Variants in SLIT1 observed in about 807,000 individuals in gnomAD.
SLIT1 encodes the protein slit guidance ligand 1, also known as slit homolog 1 protein.
In SLIT1, 66 loss-of-function variants were observed where a neutral mutation model predicts 186.1. The ratio of observed to expected loss-of-function variants is 0.35; its 90% CI spans 0.29 to 0.44. SLIT1 has a LOEUF of 0.44. SLIT1 is among the 20% of genes least tolerant of loss of function. SLIT1 has a pLI of 1.00. For synonymous variants in SLIT1, 761 were observed against 833.8 expected, an observed-to-expected ratio of 0.91 and a Z score of 1.50; for missense variants, 1,638 against 2,037.4, an observed-to-expected ratio of 0.80 and a Z score of 3.77.
chr10:97,014,709 T>C (rs1283342807), intron 28 of SLIT1, among the ~76,000 whole-genome samples: 1 of 151,956 alleles, frequency 6.6e-6, no homozygotes, highest in African/African-American at 2.4e-5. Context: ...TCTATTAAAA[T>C]ACAAAAATTA....
intron 4 of SLIT1, among the ~76,000 whole-genome samples, chr10:97,081,481 A>C (rs1429892632): frequency 6.6e-6 from 1 of 152,048 alleles, no homozygotes; most frequent in African/African-American, 2.4e-5. Context: ...TACCAAAAAG[A>C]CCATGCCCCA....
intron 4 of SLIT1, among the ~76,000 whole-genome samples, chr10:97,109,722 G>A (rs1293106083): frequency 3.3e-5 from 5 of 152,198 alleles, no homozygotes; most frequent in Admixed American, 6.5e-5. Context: ...GGTCTGGCGT[G>A]TGTGCTCTCC....
intron 1 of SLIT1, among the ~76,000 whole-genome samples, chr10:97,174,321 G>A (rs1044918704): frequency 2.6e-5 from 4 of 152,242 alleles, no homozygotes; most frequent in Non-Finnish European, 4.4e-5. Context: ...GGCTGCCAGA[G>A]CAACCCTGCC....
chr10:97,086,363 A>T (rs1009719470), intron 4 of SLIT1, among the ~76,000 whole-genome samples: 1 of 152,152 alleles, frequency 6.6e-6, no homozygotes, highest in Non-Finnish European at 1.5e-5. Flanking sequence ...TGAGGTCAGG[A>T]CTTTTAGACC....
At chr10:97,163,268 G>A in intron 3 of SLIT1, 112 bp downstream of exon 3, 2 of 860,242 alleles carry the variant, frequency 2.3e-6, no homozygotes, top group South Asian at 3.0e-5. Flanking sequence ...AGGCAGGCTG[G>A]GCATGGGGTC....
At chr10:97,183,040 C>G (rs1263618508) in intron 1 of SLIT1, among the ~76,000 whole-genome samples, 2 of 152,124 alleles carry the variant, frequency 1.3e-5, no homozygotes, top group African/African-American at 4.8e-5. Context: ...TGTGCTGGGC[C>G]TGGAGCCCAG....
intron 4 of SLIT1, among the ~76,000 whole-genome samples, chr10:97,146,065 C>T (rs1364946957): frequency 6.6e-6 from 1 of 152,218 alleles, no homozygotes; most frequent in African/African-American, 2.4e-5. Context: ...GATTAATCAA[C>T]TGTGAGCCAG....
chr10:97,141,464 C>T (rs1236282433), intron 4 of SLIT1, among the ~76,000 whole-genome samples: 1 of 152,162 alleles, frequency 6.6e-6, no homozygotes, highest in East Asian at 1.9e-4. Context: ...CTCCTCCAAG[C>T]ATGTTCAGAG....
chr10:97,092,416 A>C (rs1487784553), intron 4 of SLIT1, among the ~76,000 whole-genome samples: 2 of 152,250 alleles, frequency 1.3e-5, no homozygotes, highest in African/African-American at 4.8e-5. Flanking sequence ...GAATATGAGA[A>C]CAATGTGATT....
rs1848514431 is a variant in SLIT1, at chr10:97,022,988, T to C, written c.2583-1575A>G. Among the ~76,000 whole-genome samples, 1 of 152,174 alleles carries C rather than the reference T, an allele frequency of 6.6e-6. No individual in the cohort carries two copies. The highest frequency in any genetic ancestry group is 1.5e-5 in the Non-Finnish European group (1 of 68,038). On this transcript the variant is annotated intron_variant, in intron 25 of 36. Transcript: ENST00000266058. The surrounding 1 kb of genome is among the most constrained non-coding windows in gnomAD (Gnocchi z 4.2). The stretch of plus-strand genomic sequence containing the variant: ...CCAGAGTGGATATCCCATGGCACAG[T>C]GGACAGCGTCCCTGTTGCTGGACAT...
chr10:97,152,056 C>T (rs867762608), intron 4 of SLIT1, among the ~76,000 whole-genome samples: 1 of 152,148 alleles, frequency 6.6e-6, no homozygotes, highest in African/African-American at 2.4e-5. Context: ...ATAAATGCCT[C>T]CAGGGCAGCA....
At position 97,001,229 on chromosome 10, in the gene SLIT1, G is replaced by T. The variant is rs1188307764; in HGVS notation, c.4488C>A (p.Gly1496=). Residue 1496 remains glycine, a synonymous_variant, in exon 37 of 37, where the codon GGC becomes GGA. Coordinates refer to ENST00000266058, the MANE Select transcript of SLIT1 (RefSeq NM_003061.3). ...GCTTCAGCCGAAGGCCCTGGCAGCA[G>T]CCCTGGCCTGGGCACGAGCCCCGGC... The part of the protein sequence containing the change: ...VECRGSCPGQ[G]CCQGLRLKRR... The T allele has an allele frequency of 1.2e-6, 2 of 1,613,196 alleles. No individual in the cohort carries two copies. The highest frequency in any genetic ancestry group is 1.7e-6 in the Non-Finnish European group (2 of 1,179,942).
intron 20 of SLIT1, 147 bp from the exon 21 acceptor site, chr10:97,040,267 T>C: frequency 1.3e-6 from 1 of 777,026 alleles, no homozygotes; most frequent in Non-Finnish European, 1.9e-6. Flanking sequence ...GCACTACACC[T>C]CCCCGCCAGC....
At chr10:97,156,315 C>T (rs777883583) in intron 4 of SLIT1, among the ~76,000 whole-genome samples, 4 of 152,186 alleles carry the variant, frequency 2.6e-5, no homozygotes, top group African/African-American at 4.8e-5. Context: ...CAGTGGTTCA[C>T]GCCTGTAATC....
rs994247618 is a variant in SLIT1, at chr10:97,050,149, G to A, written c.1302-1031C>T. Among the ~76,000 whole-genome samples the A allele has an allele frequency of 3.3e-5, 5 of 151,844 alleles. No homozygotes were observed. The South Asian group carries it at 8.3e-4, about 25-fold the overall frequency. ...GTCAACAAGAGCGAAACTCTGTCTCGAAAAGGAAAAAAAAAGAAGTACGGG... is the reference window on the plus strand; with the variant it reads ...GTCAACAAGAGCGAAACTCTGTCTCAAAAAGGAAAAAAAAAGAAGTACGGG... On this transcript the variant is annotated intron_variant, in intron 13 of 36. Coordinates refer to ENST00000266058, the MANE Select transcript of SLIT1 (RefSeq NM_003061.3).
chr10:97,173,335 C>A (rs1850215255), intron 1 of SLIT1, among the ~76,000 whole-genome samples: 1 of 152,140 alleles, frequency 6.6e-6, no homozygotes, highest in Non-Finnish European at 1.5e-5. Flanking sequence ...CTCACAACAT[C>A]TCTTGGAAGT....
At position 97,108,026 on chromosome 10, in the gene SLIT1, C is replaced by A. The variant is rs147684535; in HGVS notation, c.414-41940G>T. On this transcript the variant is annotated intron_variant, in intron 4 of 36. Coordinates refer to ENST00000266058, the MANE Select transcript of SLIT1 (RefSeq NM_003061.3). ...CTAAGAGACACACACACGTGCCCAGCTCTTCCCTGCCCCGGGGTGTCTGCC... is the reference window on the plus strand; with the variant it reads ...CTAAGAGACACACACACGTGCCCAGATCTTCCCTGCCCCGGGGTGTCTGCC... 1.5e-3 allele frequency among the ~76,000 whole-genome samples: 227 copies of A among 152,350 alleles called. 6 individuals carry two copies. In the East Asian group the frequency reaches 0.037, roughly 25 times the overall value.
intron 4 of SLIT1, among the ~76,000 whole-genome samples, chr10:97,108,150 G>T (rs1849431358): frequency 6.6e-6 from 1 of 152,146 alleles, no homozygotes; most frequent in African/African-American, 2.4e-5. Context: ...AGGGCTGGTT[G>T]TGCCCTCCCC....
intron 16 of SLIT1, among the ~76,000 whole-genome samples, 200 bp from the exon 17 acceptor site, chr10:97,047,265 T>C (rs1201128798): frequency 6.6e-6 from 1 of 152,198 alleles, no homozygotes; most frequent in African/African-American, 2.4e-5. Flanking sequence ...ACATTAAAAA[T>C]GCCATGAAAA....
Sources: allele counts gnomAD v4.1 joint callset (sites outside exome capture counted in the v4.1 genomes callset), GRCh38; gene constraint gnomAD v4.1.1; non-coding constraint Gnocchi (gnomAD v3.1); transcripts MANE v1.5; gene names NCBI Gene and HGNC (gene_info 2026-07-23, HGNC 2026-07-21).